The following GOSR1 variants were observed in gnomAD, a reference collection of about 807,000 sequenced individuals.
GOSR1 encodes golgi SNAP receptor complex member 1, also known as 28 kDa Golgi SNARE protein.
A neutral mutation model predicts 35.5 loss-of-function variants in GOSR1; 21 were observed. The ratio of observed to expected loss-of-function variants is 0.59; its 90% CI spans 0.42 to 0.85. The LOEUF (loss-of-function observed/expected upper bound fraction) is 0.85. GOSR1 is among the 40% of genes least tolerant of loss of function. The pLI, the probability that GOSR1 is intolerant of heterozygous loss-of-function variation, is 0.00. For synonymous variants in GOSR1, 94 were observed against 106.6 expected, an observed-to-expected ratio of 0.88 and a Z score of 0.73; for missense variants, 285 against 309.6, an observed-to-expected ratio of 0.92 and a Z score of 0.60.
intron 8 of GOSR1, chr17:30,520,571 AG>A (rs1198140400): frequency 6.6e-6 from 1 of 152,208 alleles, no homozygotes; most frequent in East Asian, 1.9e-4. Context: ...GTTTTAAATT[AG>A]GATTATTAAT....
At chr17:30,516,247 G>A (rs1269385815) in intron 7 of GOSR1, among the ~76,000 whole-genome samples, 2 of 152,066 alleles carry the variant, frequency 1.3e-5, no homozygotes, top group Non-Finnish European at 2.9e-5. Flanking sequence ...GAGGCGGGCG[G>A]ATCACGAGGG....
intron 6 of GOSR1, among the ~76,000 whole-genome samples, chr17:30,502,753 T>G (rs1967258396): frequency 6.6e-6 from 1 of 152,260 alleles, no homozygotes; most frequent in African/African-American, 2.4e-5. Flanking sequence ...ACAGCTGGTT[T>G]CCACTTTCAT....
chr17:30,498,412 A>G (rs749505417), intron 6 of GOSR1, among the ~76,000 whole-genome samples: 1 of 152,206 alleles, frequency 6.6e-6, no homozygotes, highest in African/African-American at 2.4e-5. Flanking sequence ...GTGAATCGGT[A>G]GTTCCAGTGC....
At chr17:30,486,786 T>C (rs1914711492) in intron 4 of GOSR1, among the ~76,000 whole-genome samples, 1 of 152,166 alleles carries the variant, frequency 6.6e-6, no homozygotes, top group African/African-American at 2.4e-5. Context: ...AAGAAATGTG[T>C]AGGACTTGTA....
intron 6 of GOSR1, among the ~76,000 whole-genome samples, chr17:30,502,917 C>T (rs1967267766): frequency 6.6e-6 from 1 of 152,220 alleles, no homozygotes; most frequent in Non-Finnish European, 1.5e-5. Flanking sequence ...AGACGTAGAT[C>T]TTAAGGATCT....
intron 1 of GOSR1, among the ~76,000 whole-genome samples, chr17:30,478,215 C>T (rs1216177802): frequency 6.6e-6 from 1 of 152,208 alleles, no homozygotes; most frequent in Non-Finnish European, 1.5e-5. Flanking sequence ...ACATAAAACT[C>T]ATTCGTGGAT....
At chr17:30,514,558 G>T (rs1967730668) in intron 7 of GOSR1, among the ~76,000 whole-genome samples, 1 of 152,164 alleles carries the variant, frequency 6.6e-6, no homozygotes, top group Non-Finnish European at 1.5e-5. Flanking sequence ...TAAAGTCCAG[G>T]CTGGCATGCT....
At chr17:30,505,715 G>A (rs933907175) in intron 6 of GOSR1, among the ~76,000 whole-genome samples, 1 of 152,112 alleles carries the variant, frequency 6.6e-6, no homozygotes, top group Non-Finnish European at 1.5e-5. Flanking sequence ...TAAATGTTGT[G>A]TATGTGTGGG....
chr17:30,504,049 C>G (rs1378863035), intron 6 of GOSR1, among the ~76,000 whole-genome samples: 2 of 135,884 alleles, frequency 1.5e-5, no homozygotes, highest in Non-Finnish European at 3.1e-5. Flanking sequence ...TTTTTTGAGT[C>G]AGGGTCGTGC....
Position 30,484,745 on chromosome 17 carries a change from T to G in GOSR1, c.317T>G (p.Leu106Ter). 2 of 1,575,872 alleles carry G rather than the reference T, an allele frequency of 1.3e-6. No homozygotes were observed. The highest frequency in any genetic ancestry group is 1.7e-6 in the Non-Finnish European group (2 of 1,145,078). ...TTGAATGCAGCCCTGATGCATACAT[T>G]ACAGCGGCATAGAGACATATTGCAG... is the stretch of plus-strand genomic sequence containing the variant. ...PSLNAALMHT[L>*]QRHRDILQDY... is the part of the protein sequence containing the mutation. Residue 106 changes from leucine (L) to a stop codon, truncating the protein, a stop_gained, in exon 4 of 9, where the codon TTA becomes TGA. Coordinates refer to ENST00000451249, the MANE Select transcript of GOSR1 (RefSeq NM_001007025.2). LOFTEE classifies it high-confidence loss of function.
intron 7 of GOSR1, among the ~76,000 whole-genome samples, chr17:30,517,371 A>G (rs974504911): frequency 6.6e-6 from 1 of 152,136 alleles, no homozygotes; most frequent in African/African-American, 2.4e-5. Flanking sequence ...CTGATATACA[A>G]CTTTTTCACT....
chr17:30,495,529 G>T, intron 6 of GOSR1: 1 of 429,124 alleles, frequency 2.3e-6, no homozygotes. Flanking sequence ...TCATCACCAG[G>T]TGTAGATCAG....
chr17:30,499,093 A>G (rs1967105699), intron 6 of GOSR1, among the ~76,000 whole-genome samples: 1 of 152,178 alleles, frequency 6.6e-6, no homozygotes, highest in Non-Finnish European at 1.5e-5. Flanking sequence ...AATTTTATAC[A>G]AATGAATTCA....
intron 6 of GOSR1, chr17:30,495,379 T>C (rs1294690840): frequency 6.7e-6 from 3 of 448,754 alleles, no homozygotes; most frequent in Non-Finnish European, 1.3e-5. Flanking sequence ...TCATTTTGAA[T>C]AAAATACGTC....
At chr17:30,520,826 T>A (rs1023854901) in intron 8 of GOSR1, among the ~76,000 whole-genome samples, 1 of 152,226 alleles carries the variant, frequency 6.6e-6, no homozygotes, top group Non-Finnish European at 1.5e-5. Context: ...TATTCTCCAG[T>A]CCACTGTGAA....
chr17:30,527,249 G>A lies in GOSR1; in HGVS notation c.*4871G>A, dbSNP rs1265690520. 4 of 152,000 alleles carry A rather than the reference G, an allele frequency of 2.6e-5. No individual in the cohort carries two copies. The highest frequency in any genetic ancestry group is 2.1e-4 in the South Asian group (1 of 4,832). 9.4% of individuals were successfully genotyped at this position (152,000 alleles called of 1,614,324 possible). On this transcript the variant is annotated 3_prime_UTR_variant, in exon 9 of 9. Transcript: ENST00000451249. ...TGTGCACCTATAGTCCCAGCTACTC[G>A]GAAGGCTGAGGTAGGAGGATCATGA... is the stretch of plus-strand genomic sequence containing the variant.
chr17:30,501,847 T>C (rs1221348728), intron 6 of GOSR1, among the ~76,000 whole-genome samples: 1 of 152,252 alleles, frequency 6.6e-6, no homozygotes, highest in African/African-American at 2.4e-5. Flanking sequence ...CTAGCAGTCA[T>C]GCTCCTAGTG....
chr17:30,484,897 C>T, intron 4 of GOSR1, 127 bp downstream of exon 4: 1 of 708,124 alleles, frequency 1.4e-6, no homozygotes, highest in Non-Finnish European at 2.6e-6. Flanking sequence ...AAAATAAATG[C>T]CATGCTAAAG....
At chr17:30,522,230 GAC>G in intron 8 of GOSR1, 22 bp from the exon 9 acceptor site, 1 of 1,580,474 alleles carries the variant, frequency 6.3e-7, no homozygotes, top group Non-Finnish European at 8.6e-7. Context: ...TTCCAAATAT[GAC>G]CTTAATAAAG....
Sources: gnomAD v4.1 joint callset for allele counts (sites outside exome capture counted in the v4.1 genomes callset) on GRCh38, gnomAD v4.1.1 for gene constraint, MANE v1.5 for transcripts, NCBI Gene and HGNC (gene_info 2026-07-23, HGNC 2026-07-21) for gene names.